TMEM161A: variants seen among roughly 807,000 people sequenced by gnomAD.
TMEM161A encodes adaptive response to oxidative stress protein 29.
TMEM161A carries 46 observed loss-of-function variants against 57.1 expected under a neutral mutation model. The observed-to-expected ratio is 0.81, with a 90% CI of 0.64 to 1.03. TMEM161A has a LOEUF of 1.03. TMEM161A is among the 50% of genes least tolerant of loss of function. The pLI, the probability that TMEM161A is intolerant of heterozygous loss-of-function variation, is 0.00. For missense variants in TMEM161A, 601 were observed against 621.5 expected (o/e 0.97, Z 0.35); for synonymous variants, 288 against 279.0 (o/e 1.03, Z -0.32).
In TMEM161A at chr19:19,130,136, A is replaced by T. The variant is rs775927582; in HGVS notation, c.595+20T>A. 6.2e-7 allele frequency: 1 copy of T among 1,611,400 alleles called. No individual in the cohort carries two copies. The highest frequency in any genetic ancestry group is 8.5e-7 in the Non-Finnish European group (1 of 1,179,820). On this transcript the variant is annotated intron_variant, in intron 6 of 11. Transcript: ENST00000162044. ...AGGGAGTGACAGCTGCGGTGGCCCC[A>T]CGTTGGGGGCTGCACTTACCAGGCT...
intron 2 of TMEM161A, among the ~76,000 whole-genome samples, chr19:19,133,897 T>A (rs557994241): frequency 6.6e-6 from 1 of 152,172 alleles, no homozygotes; most frequent in South Asian, 2.1e-4. Context: ...AGACTCCTGA[T>A]TAGCTGGGAT....
rs777513957 is a variant in TMEM161A, at chr19:19,121,140, CCAGAGTCGAAGG to C, written c.929_940del (p.Ala310_Ser313del). On this transcript the variant is annotated inframe_deletion, in exon 10 of 12. Coordinates refer to ENST00000162044, the MANE Select transcript of TMEM161A (RefSeq NM_017814.3). The surrounding 1 kb of genome is among the most constrained non-coding windows in gnomAD (Gnocchi z 5.8). ...CAGCACCACCAGCAACCAGAGGCGC[CCAGAGTCGAAGG>C]CAGAATCGGACAGCCTGTGCGGAGA... is the stretch of plus-strand genomic sequence containing the variant. The C allele has an allele frequency of 3.7e-6, 6 of 1,609,612 alleles. No homozygotes were observed. The highest frequency in any genetic ancestry group is 5.1e-6 in the Non-Finnish European group (6 of 1,178,364).
At chr19:19,127,475 A>G (rs1194771916) in intron 6 of TMEM161A, among the ~76,000 whole-genome samples, 1 of 151,466 alleles carries the variant, frequency 6.6e-6, no homozygotes, top group Admixed American at 6.6e-5. Context: ...ACCCGCCACC[A>G]CACCCGGCTA....
In TMEM161A at chr19:19,119,649, C is replaced by A; in HGVS notation, c.*281G>T. On this transcript the variant is annotated 3_prime_UTR_variant, in exon 12 of 12. Transcript: ENST00000162044. Reference sequence around the variant, plus strand: ...AAATCGGCATGCTCCTTTATTTGTTCAGAAGAGCAGCCAGCATCACCCTTG... The same window carrying A: ...AAATCGGCATGCTCCTTTATTTGTTAAGAAGAGCAGCCAGCATCACCCTTG... 2.1e-6 allele frequency: 1 copy of A among 485,376 alleles called. No homozygotes were observed. The highest frequency in any genetic ancestry group is 2.6e-5 in the South Asian group (1 of 38,486). 30.1% of individuals were successfully genotyped at this position (485,376 alleles called of 1,614,324 possible). A position where few individuals can be genotyped will look rare whatever the true frequency, so the allele number is the denominator to read the frequency against.
chr19:19,129,288 T>C (rs958619650), intron 6 of TMEM161A, among the ~76,000 whole-genome samples: 10 of 152,152 alleles, frequency 6.6e-5, no homozygotes, highest in Non-Finnish European at 8.8e-5. Flanking sequence ...ATATCAAACA[T>C]ATATAATTTT....
rs758807155 is a variant in TMEM161A at position 19,121,703 on chromosome 19, G to C, written c.657-35C>G. 16 of 1,612,030 alleles carry C rather than the reference G, an allele frequency of 9.9e-6. 1 individual carries two copies. The Middle Eastern group carries it at 5.0e-4, about 50-fold the overall frequency. ...CACCAGGTCACGAGCCTGCCTGGGG[G>C]ACCCTGGGAGGGTCCCAGCCTGCCC... is the stretch of plus-strand genomic sequence containing the variant. On this transcript the variant is annotated intron_variant, in intron 7 of 11. Transcript: ENST00000162044. The surrounding 1 kb of genome is among the most constrained non-coding windows in gnomAD (Gnocchi z 5.8).
intron 6 of TMEM161A, among the ~76,000 whole-genome samples, chr19:19,128,533 ATTTTTTT>A (rs755755153): frequency 0.022 from 2,469 of 110,532 alleles, 74 homozygotes; most frequent in African/African-American, 0.079. Flanking sequence ...CCTGGCCTAC[ATTTTTTT>A]TTTTTTTTTT....
At chr19:19,122,123 G>A (rs540658620) in intron 6 of TMEM161A, among the ~76,000 whole-genome samples, 32 of 151,928 alleles carry the variant, frequency 2.1e-4, no homozygotes, top group Non-Finnish European at 1.2e-4. Flanking sequence ...TGAAACCCCC[G>A]TCTCTACTAA....
At position 19,121,368 on chromosome 19, in the gene TMEM161A, G is replaced by A. The variant is rs945361963; in HGVS notation, c.854C>T (p.Thr285Ile). 13 of 1,607,236 alleles carry A rather than the reference G, an allele frequency of 8.1e-6. No homozygotes were observed. The highest frequency in any genetic ancestry group is 1.1e-5 in the Non-Finnish European group (13 of 1,177,058). The change falls in exon 9 of 12, where the codon ACA becomes ATA. Residue 285 changes from threonine to isoleucine, a missense_variant. Coordinates refer to ENST00000162044, the MANE Select transcript of TMEM161A (RefSeq NM_017814.3). The surrounding 1 kb of genome is among the most constrained non-coding windows in gnomAD (Gnocchi z 5.8). ...LSPLFILWLW[T>I]KPIARDFLHQ... ...CAGGAAGTCCCGTGCAATGGGCTTT[G>A]TCCAGAGCCACAGGATGAACAGGGG...
In TMEM161A at chr19:19,121,304, G is replaced by A. The variant is rs754738807; in HGVS notation, c.914+4C>T. 15 of 1,559,046 alleles carry A rather than the reference G, an allele frequency of 9.6e-6. 1 individual carries two copies. In the Admixed American group the frequency reaches 1.8e-4, roughly 18 times the overall value. ...GCTACCTCCTAGCCCCACCCAATACGCACAGGGAGAAACGCGTCTCCCCAA... is the reference window on the plus strand; with the variant it reads ...GCTACCTCCTAGCCCCACCCAATACACACAGGGAGAAACGCGTCTCCCCAA... On this transcript the variant is annotated splice_donor_region_variant and intron_variant, in intron 9 of 11. Coordinates refer to ENST00000162044, the MANE Select transcript of TMEM161A (RefSeq NM_017814.3). This position sits in a 1 kb window ranked among gnomAD's most constrained non-coding sequence, Gnocchi z 5.8.
At position 19,132,939 on chromosome 19, in the gene TMEM161A, C is replaced by G. The variant is rs748379212; in HGVS notation, c.189-185G>C. 1.4e-6 allele frequency: 1 copy of G among 708,456 alleles called. No homozygotes were observed. The highest frequency in any genetic ancestry group is 1.8e-5 in the African/African-American group (1 of 55,614). The allele number at this position is 708,456 out of a possible 1,614,324, so 43.9% of individuals were successfully genotyped here. On this transcript the variant is annotated intron_variant, in intron 3 of 11. Coordinates refer to ENST00000162044, the MANE Select transcript of TMEM161A (RefSeq NM_017814.3). This position sits in a 1 kb window ranked among gnomAD's most constrained non-coding sequence, Gnocchi z 4.3. Reference sequence around the variant, plus strand: ...CTGGCTAGAGCAAACTGCCAGGAAACAGATGCTAACTTGACAGTGACCATC... The same window carrying G: ...CTGGCTAGAGCAAACTGCCAGGAAAGAGATGCTAACTTGACAGTGACCATC...
At chr19:19,128,228 CTTTTTT>C (rs531458159) in intron 6 of TMEM161A, among the ~76,000 whole-genome samples, 1 of 120,756 alleles carries the variant, frequency 8.3e-6, no homozygotes, top group Non-Finnish European at 1.7e-5. Context: ...TCTAAATAGA[CTTTTTT>C]TTTTTTTTTT....
At position 19,132,338 on chromosome 19, in the gene TMEM161A, G is replaced by A. The variant is rs1214651553; in HGVS notation, c.443+14C>T. On this transcript the variant is annotated intron_variant, in intron 5 of 11. Transcript: ENST00000162044. This position sits in a 1 kb window ranked among gnomAD's most constrained non-coding sequence, Gnocchi z 4.3. ...CCACCCGCCCCACTGGCAGGGAGCA[G>A]AGAGGAAGGATACATGGAGAAGGTC... The A allele has an allele frequency of 6.2e-7, 1 of 1,608,166 alleles. No homozygotes were observed. The highest frequency in any genetic ancestry group is 1.1e-5 in the South Asian group (1 of 90,048).
chr19:19,120,707 C>A lies in TMEM161A; in HGVS notation c.1186+58G>T. On this transcript the variant is annotated intron_variant, in intron 11 of 11. Coordinates refer to ENST00000162044, the MANE Select transcript of TMEM161A (RefSeq NM_017814.3). ...CGCGGTCCCCGCCAGAGTCCACCTC[C>A]ACTCTGTTTTATCTTCCAACTCCGC... 1.3e-6 allele frequency: 2 copies of A among 1,518,686 alleles called. 1 individual carries two copies. Among genetic ancestry groups the A allele is most frequent in the South Asian group, 2.2e-5 (2 of 88,956 alleles). The allele number at this position is 1,518,686 out of a possible 1,614,324, so 94.1% of individuals were successfully genotyped here.
In TMEM161A at chr19:19,121,225, C is replaced by A. The variant is rs1390992070; in HGVS notation, c.915-59G>T. On this transcript the variant is annotated intron_variant, in intron 9 of 11. Transcript: ENST00000162044. This position sits in a 1 kb window ranked among gnomAD's most constrained non-coding sequence, Gnocchi z 5.8. ...AAGGTCGCCCCCGACCCCCCAGGAT[C>A]TTCCCCAGGCTCCTCCCTGAATCTC... is the stretch of plus-strand genomic sequence containing the variant. 7.7e-6 allele frequency: 12 copies of A among 1,549,618 alleles called. No individual in the cohort carries two copies. The highest frequency in any genetic ancestry group is 1.0e-5 in the Non-Finnish European group (12 of 1,146,088).
Position 19,132,595 on chromosome 19 carries a change from T to A in TMEM161A, c.286+62A>T. On this transcript the variant is annotated intron_variant, in intron 4 of 11. Transcript: ENST00000162044. This position sits in a 1 kb window ranked among gnomAD's most constrained non-coding sequence, Gnocchi z 4.3. ...TTCCTTCAAATCCTCCCCACCCCCATGAGGGTGTGGAGACCTTCAGGGCTG... is the reference window on the plus strand; with the variant it reads ...TTCCTTCAAATCCTCCCCACCCCCAAGAGGGTGTGGAGACCTTCAGGGCTG... The A allele has an allele frequency of 6.4e-7, 1 of 1,567,766 alleles. No individual in the cohort carries two copies. Among genetic ancestry groups the A allele is most frequent in the African/African-American group, 1.4e-5 (1 of 74,040 alleles).
chr19:19,120,702 A>T, intron 11 of TMEM161A, 63 bp downstream of exon 11: 1 of 1,083,676 alleles, frequency 9.2e-7, no homozygotes, highest in Non-Finnish European at 1.2e-6. Context: ...GCCAGAGTCC[A>T]CCTCCACTCT....
intron 6 of TMEM161A, among the ~76,000 whole-genome samples, chr19:19,129,938 T>C (rs2059949309): frequency 6.6e-6 from 1 of 151,466 alleles, no homozygotes; most frequent in Admixed American, 6.6e-5. Context: ...GCTATAGCCA[T>C]GAGTGTCCAT....
chr19:19,120,199 G>A lies in TMEM161A; in HGVS notation c.1187-16C>T. 1.3e-6 allele frequency: 2 copies of A among 1,530,290 alleles called. No individual in the cohort carries two copies. The highest frequency in any genetic ancestry group is 1.8e-6 in the Non-Finnish European group (2 of 1,134,796). The allele number at this position is 1,530,290 out of a possible 1,614,324, so 94.8% of individuals were successfully genotyped here. Reference sequence around the variant, plus strand: ...GAATAGCCTCCTAGGAGAAGAGGATGAAGCGAGGTATGAGTGGAAAAATGG... The same window carrying A: ...GAATAGCCTCCTAGGAGAAGAGGATAAAGCGAGGTATGAGTGGAAAAATGG... On this transcript the variant is annotated splice_polypyrimidine_tract_variant and intron_variant, in intron 11 of 11. Transcript: ENST00000162044.
Sources: allele counts gnomAD v4.1 joint callset (sites outside exome capture counted in the v4.1 genomes callset), GRCh38; gene constraint gnomAD v4.1.1; non-coding constraint Gnocchi (gnomAD v3.1); transcripts MANE v1.5; gene names NCBI Gene and HGNC (gene_info 2026-07-23, HGNC 2026-07-21).